NCOR2: variants seen among roughly 807,000 people sequenced by gnomAD.
NCOR2 encodes CTG repeat protein 26.
NCOR2 carries 81 observed loss-of-function variants against 262.9 expected under a neutral mutation model. The ratio of observed to expected loss-of-function variants is 0.31; its 90% CI spans 0.26 to 0.37. The LOEUF is 0.37. NCOR2 is among the 10% of genes least tolerant of loss of function. The pLI is 1.00. For synonymous variants in NCOR2, 1,659 were observed against 1,559.3 expected (o/e 1.06, Z -1.51); for missense variants, 3,385 against 3,621.4 (o/e 0.93, Z 1.68).
rs975945308 is a variant in NCOR2 at position 124,418,741 on chromosome 12, T to G, written c.1482+1216A>C. Among the ~76,000 whole-genome samples the G allele has an allele frequency of 2.6e-5, 4 of 152,216 alleles. No individual in the cohort carries two copies. In the East Asian group the frequency reaches 7.7e-4, roughly 29 times the overall value. ...GGACTTGTAGGCCACACGTCTGGCT[T>G]GGCATTAGGGGTGTCAGAAAGCAGT... On this transcript the variant is annotated intron_variant, in intron 13 of 46. Transcript: ENST00000405201.
At position 124,483,885 on chromosome 12, in the gene NCOR2, T is replaced by A. The variant is rs2047634134; in HGVS notation, c.234-112A>T. The A allele has an allele frequency of 2.3e-6, 3 of 1,281,234 alleles. No homozygotes were observed. The highest frequency in any genetic ancestry group is 2.4e-4 in the Middle Eastern group (1 of 4,106). The allele number at this position is 1,281,234 out of a possible 1,614,324, so 79.4% of individuals were successfully genotyped here. ...CTACTGCGCGCCGTGCTCTGTATGA[T>A]CCTGCCAGGAAGGTGCTCACAGGAG... On this transcript the variant is annotated intron_variant, in intron 2 of 46. Coordinates refer to ENST00000405201, the Ensembl canonical transcript of NCOR2. This position sits in a 1 kb window ranked among gnomAD's most constrained non-coding sequence, Gnocchi z 6.3.
intron 42 of NCOR2, 66 bp from the exon 45 acceptor site, chr12:124,332,533 G>A: frequency 6.2e-7 from 1 of 1,603,770 alleles, no homozygotes; most frequent in East Asian, 2.2e-5. Flanking sequence ...TGATGATGGG[G>A]AACTCACCAC....
At chr12:124,522,620 G>A (rs1161305204) in intron 1 of NCOR2, among the ~76,000 whole-genome samples, 1 of 152,188 alleles carries the variant, frequency 6.6e-6, no homozygotes, top group African/African-American at 2.4e-5. Flanking sequence ...TAAGGCCAAG[G>A]TCATATTCAC....
intron 37 of NCOR2, chr12:124,337,465 C>A (rs924228729): frequency 2.5e-5 from 16 of 635,770 alleles, no homozygotes; most frequent in Non-Finnish European, 4.1e-5. Flanking sequence ...AAAACGGATG[C>A]AAGCATCTTA....
chr12:124,452,224 C>A (rs1742959709), intron 6 of NCOR2, among the ~76,000 whole-genome samples: 1 of 152,186 alleles, frequency 6.6e-6, no homozygotes, highest in Admixed American at 6.5e-5. Context: ...GTGCAGCATC[C>A]CTGCAGAGGG....
chr12:124,410,901 A>G (rs2042542655), intron 13 of NCOR2, among the ~76,000 whole-genome samples: 1 of 151,906 alleles, frequency 6.6e-6, no homozygotes, highest in Non-Finnish European at 1.5e-5. Flanking sequence ...GAGCTGGGAG[A>G]GGACAGACGG....
intron 13 of NCOR2, among the ~76,000 whole-genome samples, chr12:124,419,594 C>A (rs1182407729): frequency 6.6e-6 from 1 of 152,222 alleles, no homozygotes; most frequent in Non-Finnish European, 1.5e-5. Flanking sequence ...TGAACTACCC[C>A]AAGTCATCCT....
chr12:124,436,831 T>C (rs1002868718), intron 8 of NCOR2, among the ~76,000 whole-genome samples: 1 of 152,212 alleles, frequency 6.6e-6, no homozygotes, highest in Non-Finnish European at 1.5e-5. Flanking sequence ...CTCACACCTG[T>C]GATCCCAGCG....
At chr12:124,357,299 C>G (rs2038028658) in intron 22 of NCOR2, among the ~76,000 whole-genome samples, 1 of 152,164 alleles carries the variant, frequency 6.6e-6, no homozygotes, top group African/African-American at 2.4e-5. Context: ...AGGCGCCCAC[C>G]ACCGCACCAT....
chr12:124,335,311 G>A (rs1415291385), intron 39 of NCOR2, 31 bp from the exon 42 acceptor site: 4 of 1,547,284 alleles, frequency 2.6e-6, no homozygotes, highest in African/African-American at 1.4e-5. Context: ...GTCAGGGGGT[G>A]TCTGCTGGCC....
rs889452363 is a variant in NCOR2, at chr12:124,429,617, T to C, written c.1145A>G (p.Gln382Arg). 1.9e-6 allele frequency: 3 copies of C among 1,602,534 alleles called. No homozygotes were observed. In the African/African-American group the frequency reaches 4.0e-5, roughly 21 times the overall value. Reference sequence around the variant, plus strand: ...AGAGTCAGGGCCTGGACTCACCTCCTGCTCTGAGAGGCCATCGATGATCTC... The same window carrying C: ...AGAGTCAGGGCCTGGACTCACCTCCCGCTCTGAGAGGCCATCGATGATCTC... The change falls in exon 10 of 47, where the codon CAG (glutamine) becomes CGG (arginine). Residue 382 changes from glutamine (Q) to arginine (R), a missense_variant. Physicochemically the swap from Gln to Arg is conservative, Grantham distance 43. Transcript: ENST00000405201.
chr12:124,346,589 G>T (rs750708611), exon 31 of NCOR2: 1 of 1,573,202 alleles, frequency 6.4e-7, no homozygotes, highest in East Asian at 2.3e-5. Flanking sequence ...CTCCTTGAGC[G>T]GCCGCGGGGC....
rs532318625 is a variant in NCOR2, at chr12:124,484,155, T to C, written c.234-382A>G. Among the ~76,000 whole-genome samples the C allele has an allele frequency of 4.6e-5, 7 of 152,304 alleles. No homozygotes were observed. In the East Asian group the frequency reaches 7.7e-4, roughly 17 times the overall value. ...CAGACTCGGCATTTTAACAAGATCA[T>C]TGGGTGGTTCACAGGCACAGTCCAT... On this transcript the variant is annotated intron_variant, in intron 2 of 46. Transcript: ENST00000405201.
chr12:124,446,903 TTATATTATAC>T lies in NCOR2; in HGVS notation c.815+2902_815+2911del, dbSNP rs549359935. ...AATCTTAATTATTCATCTATTTGTTTTATATTATACTATATTACACATATTTTTTGAGACA... is the reference window on the plus strand; with the variant it reads ...AATCTTAATTATTCATCTATTTGTTTTATATTACACATATTTTTTGAGACA... On this transcript the variant is annotated intron_variant, in intron 7 of 46. Coordinates refer to ENST00000405201, the Ensembl canonical transcript of NCOR2. 9.6e-4 allele frequency among the ~76,000 whole-genome samples: 146 copies of T among 152,326 alleles called. 3 individuals are homozygous for T. The highest frequency in any genetic ancestry group is 2.9e-3 in the African/African-American group (119 of 41,576).
chr12:124,344,385 A>C (rs899305935), intron 32 of NCOR2, among the ~76,000 whole-genome samples: 13 of 152,202 alleles, frequency 8.5e-5, no homozygotes, highest in Non-Finnish European at 1.5e-4. Flanking sequence ...GGGGGAAGCT[A>C]GGTGAGACAC....
At chr12:124,469,304 C>T (rs1280694527) in intron 4 of NCOR2, among the ~76,000 whole-genome samples, 1 of 152,128 alleles carries the variant, frequency 6.6e-6, no homozygotes, top group Non-Finnish European at 1.5e-5. Context: ...ACAGGAAAAG[C>T]CAGAAAATCC....
chr12:124,326,301 A>G (rs762276158), exon 46 of NCOR2: 1 of 1,564,880 alleles, frequency 6.4e-7, no homozygotes, highest in Non-Finnish European at 8.6e-7. Flanking sequence ...CCCAGATGCC[A>G]GGCCCGGGGC....
intron 30 of NCOR2, 133 bp downstream of exon 32, chr12:124,347,692 A>T: frequency 1.2e-6 from 1 of 824,166 alleles, no homozygotes; most frequent in Non-Finnish European, 2.0e-6. Flanking sequence ...CTGATCATGT[A>T]CATGTGTGCT....
In NCOR2 at chr12:124,354,110, G is replaced by A. The variant is rs764760107; in HGVS notation, c.3676C>T (p.Arg1226Cys). 3.1e-5 allele frequency: 50 copies of A among 1,609,898 alleles called. No individual in the cohort carries two copies. Among genetic ancestry groups the A allele is most frequent in the South Asian group, 6.6e-5 (6 of 90,582 alleles). ...ACACCTACGTGGGTGATGGAGCCGC[G>A]GTATGTGATGGCGCTGTCCGAGGGC... The change falls in exon 27 of 47, where the codon CGC (arginine) becomes TGC (cysteine). Residue 1226 changes from arginine to cysteine, a missense_variant. By Grantham distance (180) the Arg-to-Cys change is radical (BLOSUM62 -3). Transcript: ENST00000405201.
Sources: gnomAD v4.1 joint callset for allele counts (sites outside exome capture counted in the v4.1 genomes callset) on GRCh38, gnomAD v4.1.1 for gene constraint, Gnocchi (gnomAD v3.1) non-coding constraint, MANE v1.5 for transcripts, NCBI Gene and HGNC (gene_info 2026-07-23, HGNC 2026-07-21) for gene names.